LINGO2: variants seen among roughly 807,000 people sequenced by gnomAD.
The protein encoded by LINGO2 is leucine-rich repeat and immunoglobulin-like domain-containing nogo receptor-interacting protein 2.
In LINGO2, 14 loss-of-function variants were observed where a neutral mutation model predicts 30.6. The ratio of observed to expected loss-of-function variants is 0.46; its 90% CI spans 0.30 to 0.72. The LOEUF (loss-of-function observed/expected upper bound fraction) is 0.72. LINGO2 is among the 30% of genes least tolerant of loss of function. LINGO2 has a pLI of 0.07. For missense variants in LINGO2, 729 were observed against 751.7 expected (o/e 0.97, Z 0.35); for synonymous variants, 317 against 288.5 (o/e 1.10, Z -1.00).
At chr9:28,402,499 G>A (rs1822313721) in intron 2 of LINGO2, among the ~76,000 whole-genome samples, 1 of 151,908 alleles carries the variant, frequency 6.6e-6, no homozygotes, top group Non-Finnish European at 1.5e-5. Context: ...ACAACTTTTT[G>A]CCATGAAGAA....
chr9:29,196,741 T>A, the LINGO2 span, among the ~76,000 whole-genome samples: 1 of 152,142 alleles, frequency 6.6e-6, no homozygotes, highest in African/African-American at 2.4e-5. Flanking sequence ...ATGTAATTGA[T>A]GTTTAATGAG....
intron 3 of LINGO2, among the ~76,000 whole-genome samples, chr9:28,317,511 T>C (rs910845959): frequency 6.6e-6 from 1 of 152,132 alleles, no homozygotes; most frequent in South Asian, 2.1e-4. Flanking sequence ...ATATGTAAAA[T>C]AGCTAAAAGT....
the LINGO2 span, among the ~76,000 whole-genome samples, chr9:29,003,784 T>A: frequency 6.6e-6 from 1 of 152,000 alleles, no homozygotes; most frequent in Non-Finnish European, 1.5e-5. Flanking sequence ...CAACTGTGGT[T>A]ATGTACTGCA....
chr9:28,113,260 A>G (rs1222353480), intron 4 of LINGO2, among the ~76,000 whole-genome samples: 3 of 58,216 alleles, frequency 5.2e-5, no homozygotes, highest in African/African-American at 2.2e-4. Flanking sequence ...GTTCTGTTCC[A>G]TTGATCTATA....
chr9:29,094,754 C>G, the LINGO2 span, among the ~76,000 whole-genome samples: 3 of 138,494 alleles, frequency 2.2e-5, 1 homozygote, highest in Admixed American at 7.4e-5. Flanking sequence ...TATGCTAGAT[C>G]AAAAATATAT....
At chr9:28,491,127 C>T (rs916079940) in intron 1 of LINGO2, among the ~76,000 whole-genome samples, 46 of 152,134 alleles carry the variant, frequency 3.0e-4, no homozygotes, top group African/African-American at 1.1e-3. Flanking sequence ...AACTGGGTGG[C>T]TTTAAACAGC....
chr9:28,992,867 G>A, the LINGO2 span, among the ~76,000 whole-genome samples: 2 of 152,046 alleles, frequency 1.3e-5, no homozygotes, highest in Non-Finnish European at 2.9e-5. Flanking sequence ...TCAAAGCAGT[G>A]TGTAGAGGGA....
chr9:28,561,418 G>A (rs1326423525), intron 1 of LINGO2, among the ~76,000 whole-genome samples: 1 of 151,734 alleles, frequency 6.6e-6, no homozygotes, highest in Middle Eastern at 3.4e-3. Flanking sequence ...GCAAAATAAA[G>A]TGTAGGAGAA....
chr9:28,580,095 C>A (rs1009656505), intron 1 of LINGO2, among the ~76,000 whole-genome samples: 4 of 152,006 alleles, frequency 2.6e-5, no homozygotes, highest in Non-Finnish European at 5.9e-5. Flanking sequence ...GTGTGTATGT[C>A]TTTGAGCCAC....
chr9:28,148,619 C>T lies in LINGO2; in HGVS notation c.-86-136214G>A. 1 of 1,519,454 alleles carries T rather than the reference C, an allele frequency of 6.6e-7. No homozygotes were observed. The highest frequency in any genetic ancestry group is 1.4e-5 in the African/African-American group (1 of 72,840). The allele number at this position is 1,519,454 out of a possible 1,614,324, so 94.1% of individuals were successfully genotyped here. On this transcript the variant is annotated intron_variant, in intron 4 of 5. Coordinates refer to ENST00000379992, the Ensembl canonical transcript of LINGO2. The surrounding 1 kb of genome is among the most constrained non-coding windows in gnomAD (Gnocchi z 5.1). ...TCCCAGGCCCTTGGAGGGAAATGTCCACCTCAAGAGCTTGACAGAAAACAA... is the reference window on the plus strand; with the variant it reads ...TCCCAGGCCCTTGGAGGGAAATGTCTACCTCAAGAGCTTGACAGAAAACAA...
At chr9:28,299,133 C>T (rs1280100036) in intron 3 of LINGO2, among the ~76,000 whole-genome samples, 1 of 152,108 alleles carries the variant, frequency 6.6e-6, no homozygotes, top group Admixed American at 6.6e-5. Context: ...GCTTCATCTT[C>T]CCCGTGGAGA....
At chr9:28,558,918 A>C (rs985789761) in intron 1 of LINGO2, among the ~76,000 whole-genome samples, 3 of 152,054 alleles carry the variant, frequency 2.0e-5, no homozygotes, top group African/African-American at 7.2e-5. Flanking sequence ...TTTGATGATG[A>C]TTTGAATAGG....
chr9:29,153,184 G>A, the LINGO2 span, among the ~76,000 whole-genome samples: 2 of 152,024 alleles, frequency 1.3e-5, no homozygotes, highest in Non-Finnish European at 2.9e-5. Flanking sequence ...TTTCACCACT[G>A]TATATTTTTC....
At chr9:28,644,356 G>T (rs2135946227) in intron 1 of LINGO2, among the ~76,000 whole-genome samples, 1 of 152,104 alleles carries the variant, frequency 6.6e-6, no homozygotes, top group East Asian at 1.9e-4. Context: ...GTACTATTCA[G>T]CCATAAAAAA....
intron 3 of LINGO2, among the ~76,000 whole-genome samples, chr9:28,340,662 T>C (rs1019419616): frequency 1.2e-4 from 19 of 152,128 alleles, no homozygotes; most frequent in Non-Finnish European, 2.4e-4. Context: ...ATAGTGGATG[T>C]AAATGAGTAG....
At chr9:29,163,266 T>C in the LINGO2 span, among the ~76,000 whole-genome samples, 5 of 152,282 alleles carry the variant, frequency 3.3e-5, no homozygotes, top group African/African-American at 1.2e-4. Flanking sequence ...TGATGTATTA[T>C]TTTTCAACTG....
intron 4 of LINGO2, among the ~76,000 whole-genome samples, chr9:28,227,539 T>C (rs1177575471): frequency 1.3e-5 from 2 of 152,108 alleles, no homozygotes; most frequent in African/African-American, 4.8e-5. Context: ...CTGGTATGTA[T>C]TCTTTAACAA....
intron 3 of LINGO2, among the ~76,000 whole-genome samples, chr9:28,363,830 T>C (rs2134522590): frequency 6.6e-6 from 1 of 152,322 alleles, no homozygotes; most frequent in Admixed American, 6.5e-5. Context: ...TGTCTGTCTC[T>C]TTGCTTTGTG....
At chr9:28,131,454 A>C (rs1827376574) in intron 4 of LINGO2, among the ~76,000 whole-genome samples, 1 of 152,160 alleles carries the variant, frequency 6.6e-6, no homozygotes, top group Non-Finnish European at 1.5e-5. Context: ...ACAGTAAAAA[A>C]TGTATCTCAC....
Sources: gnomAD v4.1 joint callset for allele counts (sites outside exome capture counted in the v4.1 genomes callset) on GRCh38, gnomAD v4.1.1 for gene constraint, Gnocchi (gnomAD v3.1) non-coding constraint, MANE v1.5 for transcripts, NCBI Gene and HGNC (gene_info 2026-07-23, HGNC 2026-07-21) for gene names.